The following GRID2 variants were observed in gnomAD, a reference collection of about 807,000 sequenced individuals.
GRID2 encodes glutamate ionotropic receptor delta type subunit 2.
A neutral mutation model predicts 114.8 loss-of-function variants in GRID2; 33 were observed. The ratio of observed to expected loss-of-function variants is 0.29; its 90% CI spans 0.22 to 0.38. The LOEUF (loss-of-function observed/expected upper bound fraction) is 0.38. GRID2 is among the 10% of genes least tolerant of loss of function. The probability of loss-of-function intolerance (pLI) is 1.00; values close to 1 mark genes in which losing one functional copy is unlikely to be tolerated. For synonymous variants in GRID2, 505 were observed against 449.9 expected, an observed-to-expected ratio of 1.12 and a Z score of -1.55; for missense variants, 1,184 against 1,257.7, an observed-to-expected ratio of 0.94 and a Z score of 0.89.
chr4:92,426,761 G>A (rs144746560), intron 1 of GRID2, among the ~76,000 whole-genome samples: 61 of 152,042 alleles, frequency 4.0e-4, no homozygotes, highest in African/African-American at 1.3e-3. Context: ...ACTGATACAA[G>A]CATTTGTTCA....
intron 2 of GRID2, among the ~76,000 whole-genome samples, chr4:92,766,783 T>G (rs1003825486): frequency 6.6e-6 from 1 of 152,186 alleles, no homozygotes; most frequent in Non-Finnish European, 1.5e-5. Context: ...CTTAGAGAAA[T>G]AACTTTATCT....
At chr4:92,411,651 G>GTATATATATA (rs1365702947) in intron 1 of GRID2, among the ~76,000 whole-genome samples, 67 of 96,326 alleles carry the variant, frequency 7.0e-4, no homozygotes, top group South Asian at 1.6e-3. Context: ...GTGTGTGTGT[G>GTATATATATA]TGTGTATATA....
At chr4:93,224,892 G>A (rs1295033764) in intron 7 of GRID2, 117 bp downstream of exon 7, 2 of 681,540 alleles carry the variant, frequency 2.9e-6, no homozygotes, top group Non-Finnish European at 4.8e-6. Flanking sequence ...AGTGTAATGG[G>A]GAAATTAAAT....
At chr4:92,830,405 C>T (rs947284798) in intron 2 of GRID2, among the ~76,000 whole-genome samples, 2 of 151,814 alleles carry the variant, frequency 1.3e-5, no homozygotes, top group African/African-American at 2.4e-5. Flanking sequence ...ATAAACCATA[C>T]CAACATACCA....
intron 14 of GRID2, among the ~76,000 whole-genome samples, chr4:93,742,068 A>G (rs1731470126): frequency 6.6e-6 from 1 of 152,194 alleles, no homozygotes; most frequent in Admixed American, 6.5e-5. Flanking sequence ...TTACTTTTTA[A>G]TCAATACAAT....
chr4:92,540,175 C>T lies in GRID2; in HGVS notation c.89-49956C>T, dbSNP rs552384962. ...ATGGATTAAAGACTTCAATGTTAGACCTAAAACCATAAAAACCCTAGAAGA... is the reference window on the plus strand; with the variant it reads ...ATGGATTAAAGACTTCAATGTTAGATCTAAAACCATAAAAACCCTAGAAGA... On this transcript the variant is annotated intron_variant, in intron 1 of 15. Coordinates refer to ENST00000282020, the MANE Select transcript of GRID2 (RefSeq NM_001510.4). Among the ~76,000 whole-genome samples, 99 of 152,244 alleles carry T rather than the reference C, an allele frequency of 6.5e-4. No individual in the cohort carries two copies. The South Asian group carries it at 8.9e-3, about 14-fold the overall frequency.
At chr4:92,468,263 T>C (rs1267067497) in intron 1 of GRID2, among the ~76,000 whole-genome samples, 1 of 151,946 alleles carries the variant, frequency 6.6e-6, no homozygotes, top group Non-Finnish European at 1.5e-5. Context: ...CCTGACTAGG[T>C]GTTTTTACTA....
intron 14 of GRID2, among the ~76,000 whole-genome samples, chr4:93,705,593 A>G (rs937814487): frequency 2.6e-5 from 4 of 152,104 alleles, no homozygotes; most frequent in Non-Finnish European, 5.9e-5. Flanking sequence ...ATCCCTTGTC[A>G]GATGGATAGT....
chr4:93,800,609 T>C (rs2110366383), intron 1 of GRID2, among the ~76,000 whole-genome samples: 1 of 152,314 alleles, frequency 6.6e-6, no homozygotes, highest in East Asian at 1.9e-4. Flanking sequence ...AATCCTTAAC[T>C]TTCACTGTTA....
intron 1 of GRID2, among the ~76,000 whole-genome samples, chr4:92,389,602 G>A (rs923082960): frequency 6.6e-6 from 1 of 151,956 alleles, no homozygotes; most frequent in Non-Finnish European, 1.5e-5. Context: ...CTTTATCACT[G>A]GAATTTCCTT....
chr4:93,131,417 G>A (rs924315032), intron 4 of GRID2, among the ~76,000 whole-genome samples: 1 of 151,706 alleles, frequency 6.6e-6, no homozygotes, highest in Admixed American at 6.6e-5. Flanking sequence ...TTCCCAAAGT[G>A]CTGGGATTAC....
intron 14 of GRID2, among the ~76,000 whole-genome samples, chr4:93,665,401 TAA>T (rs1275375734): frequency 6.6e-6 from 1 of 152,224 alleles, no homozygotes; most frequent in Non-Finnish European, 1.5e-5. Context: ...TACTGTTAAA[TAA>T]AGTTTTGTTT....
At chr4:92,694,331 C>T (rs569891874) in intron 2 of GRID2, among the ~76,000 whole-genome samples, 2 of 152,258 alleles carry the variant, frequency 1.3e-5, no homozygotes, top group South Asian at 4.2e-4. Context: ...CCTGAGCCTG[C>T]TCCCTACCAA....
chr4:92,356,143 A>T (rs984925268), intron 1 of GRID2, among the ~76,000 whole-genome samples: 4 of 151,640 alleles, frequency 2.6e-5, no homozygotes, highest in African/African-American at 9.7e-5. Flanking sequence ...GCTAACTTTC[A>T]TATTTTAAAA....
chr4:93,116,240 C>G (rs1733240534), intron 4 of GRID2, among the ~76,000 whole-genome samples: 5 of 152,120 alleles, frequency 3.3e-5, no homozygotes, highest in Admixed American at 3.3e-4. Flanking sequence ...TATTTTTCCA[C>G]TCTTCTACCT....
chr4:93,087,496 A>C (rs931165165), intron 3 of GRID2, among the ~76,000 whole-genome samples: 1 of 152,158 alleles, frequency 6.6e-6, no homozygotes, highest in Non-Finnish European at 1.5e-5. Context: ...TGAGATAACT[A>C]TATTTTGAAA....
At position 93,303,143 on chromosome 4, in the gene GRID2, C is replaced by T. The variant is rs539502922; in HGVS notation, c.1245+64653C>T. Among the ~76,000 whole-genome samples, 8 of 152,220 alleles carry T rather than the reference C, an allele frequency of 5.3e-5. No homozygotes were observed. The South Asian group carries it at 1.0e-3, about 20-fold the overall frequency. On this transcript the variant is annotated intron_variant, in intron 8 of 15. Coordinates refer to ENST00000282020, the MANE Select transcript of GRID2 (RefSeq NM_001510.4). Reference sequence around the variant, plus strand: ...TTTAAACAACCAGATCTTGTGAGAACTCACCCACTATCATGAGAACAGCAA... The same window carrying T: ...TTTAAACAACCAGATCTTGTGAGAATTCACCCACTATCATGAGAACAGCAA...
At chr4:93,195,736 TG>T (rs1741423314) in intron 4 of GRID2, among the ~76,000 whole-genome samples, 1 of 152,322 alleles carries the variant, frequency 6.6e-6, no homozygotes, top group Admixed American at 6.5e-5. Context: ...CACCCAGTTG[TG>T]TGTTCCATTT....
chr4:92,780,412 T>C (rs1411572887), intron 2 of GRID2, among the ~76,000 whole-genome samples: 3 of 152,164 alleles, frequency 2.0e-5, no homozygotes, highest in Non-Finnish European at 4.4e-5. Context: ...AATCTTAAGA[T>C]TCATTCTCAA....
Sources: allele counts gnomAD v4.1 joint callset (sites outside exome capture counted in the v4.1 genomes callset), GRCh38; gene constraint gnomAD v4.1.1; transcripts MANE v1.5; gene names NCBI Gene and HGNC (gene_info 2026-07-23, HGNC 2026-07-21).